VPS33A: variants seen among roughly 807,000 people sequenced by gnomAD.
VPS33A encodes vacuolar protein sorting-associated protein 33A.
A neutral mutation model predicts 71.8 loss-of-function variants in VPS33A; 32 were observed. The observed-to-expected ratio is 0.45, with a 90% CI of 0.34 to 0.60. VPS33A has a LOEUF of 0.60. Among genes scored for constraint, VPS33A ranks in the 20% least tolerant of loss-of-function variants. The pLI, the probability that VPS33A is intolerant of heterozygous loss-of-function variation, is 0.02. For synonymous variants in VPS33A, 311 were observed against 292.7 expected (o/e 1.06, Z -0.64); for missense variants, 625 against 748.5 (o/e 0.84, Z 1.92).
chr12:122,242,361 A>G (rs1954725919), intron 8 of VPS33A, 21 bp downstream of exon 8: 1 of 1,604,210 alleles, frequency 6.2e-7, no homozygotes. Context: ...GACTGAAACA[A>G]TCATTACAAA....
rs778682921 is a variant in VPS33A at position 122,263,589 on chromosome 12, G to A, written c.279C>T (p.Ile93=). ...TGAGATACCTGAGCACGTTTTCAGC[G>A]ATTATATCCATCAACTCTAGCCTGG... ...VRPRLELMDI[I]AENVLSEDRR... Residue 93 remains isoleucine, a synonymous_variant, in exon 3 of 13, where the codon ATC becomes ATT. Coordinates refer to ENST00000267199, the MANE Select transcript of VPS33A (RefSeq NM_022916.6). 8.7e-6 allele frequency: 14 copies of A among 1,609,108 alleles called. No individual in the cohort carries two copies. Among genetic ancestry groups the A allele is most frequent in the East Asian group, 4.5e-5 (2 of 44,832 alleles).
At chr12:122,261,515 T>A in intron 3 of VPS33A, 68 bp from the exon 4 acceptor site, 1 of 1,461,264 alleles carries the variant, frequency 6.8e-7, no homozygotes, top group Admixed American at 1.9e-5. Context: ...GCTTTTTTTA[T>A]CCCCACTGCC....
intron 8 of VPS33A, among the ~76,000 whole-genome samples, chr12:122,241,398 C>T (rs554641898): frequency 2.6e-5 from 4 of 151,844 alleles, no homozygotes; most frequent in Non-Finnish European, 5.9e-5. Context: ...CTCTGCCTCC[C>T]GGTTCAAGCA....
In VPS33A at chr12:122,234,668, T is replaced by C. The variant is rs73421725; in HGVS notation, c.1440+1118A>G. On this transcript the variant is annotated intron_variant, in intron 11 of 12. Transcript: ENST00000267199. ...CTCTCCACCCTTCTCCGCAATGCTCTGTGCCCGGAGATGGACCTGTGCGTC... is the reference window on the plus strand; with the variant it reads ...CTCTCCACCCTTCTCCGCAATGCTCCGTGCCCGGAGATGGACCTGTGCGTC... 5.4e-3 allele frequency among the ~76,000 whole-genome samples: 820 copies of C among 152,326 alleles called. 3 individuals are homozygous for C. The highest frequency in any genetic ancestry group is 0.019 in the African/African-American group (771 of 41,582).
intron 4 of VPS33A, chr12:122,253,444 TC>T: frequency 6.4e-6 from 1 of 155,532 alleles, no homozygotes; most frequent in Non-Finnish European, 1.4e-5. Context: ...TCCCAGCTAC[TC>T]AGGTGACTGA....
intron 4 of VPS33A, among the ~76,000 whole-genome samples, chr12:122,260,811 C>T (rs892930761): frequency 7.9e-5 from 12 of 151,982 alleles, no homozygotes; most frequent in Non-Finnish European, 1.6e-4. Context: ...CTTGTCTCTA[C>T]TAAAAATACA....
At chr12:122,246,339 G>A (rs7972230) in intron 6 of VPS33A, among the ~76,000 whole-genome samples, 2,312 of 150,778 alleles carry the variant, frequency 0.015, 56 homozygotes, top group African/African-American at 0.053. Context: ...TCGCTCTCTC[G>A]CCCAGGCTGG....
chr12:122,236,049 T>C (rs1407145649), intron 10 of VPS33A, 126 bp from the exon 11 acceptor site: 1 of 1,171,336 alleles, frequency 8.5e-7, no homozygotes, highest in Non-Finnish European at 1.2e-6. Flanking sequence ...AGTCCAGCAA[T>C]GTTAGTGGAT....
rs201321966 is a variant in VPS33A, at chr12:122,232,238, T to C, written c.*8A>G. 3.2e-5 allele frequency: 51 copies of C among 1,607,392 alleles called. No individual in the cohort carries two copies. The Admixed American group carries it at 8.2e-4, about 26-fold the overall frequency. ...TGCAGTACACTTGTTAAGTCTCCTC[T>C]GAACATCCTAGAAAGGTTTTTCCAT... On this transcript the variant is annotated 3_prime_UTR_variant, in exon 13 of 13. Coordinates refer to ENST00000267199, the MANE Select transcript of VPS33A (RefSeq NM_022916.6).
chr12:122,239,626 C>A (rs370517249), intron 9 of VPS33A, among the ~76,000 whole-genome samples: 1 of 151,632 alleles, frequency 6.6e-6, no homozygotes, highest in Non-Finnish European at 1.5e-5. Flanking sequence ...CCCAGCTACT[C>A]GGGAGGCTGA....
rs372075683 is a variant in VPS33A at position 122,260,907 on chromosome 12, G to A, written c.483+354C>T. 7.9e-5 allele frequency among the ~76,000 whole-genome samples: 12 copies of A among 152,274 alleles called. No individual in the cohort carries two copies. The South Asian group carries it at 8.3e-4, about 11-fold the overall frequency. Reference sequence around the variant, plus strand: ...GAAGAATCCCTTGAACCCAAGAGGCGGAGGCTGCAGTGAGCTGAGATCGCG... The same window carrying A: ...GAAGAATCCCTTGAACCCAAGAGGCAGAGGCTGCAGTGAGCTGAGATCGCG... On this transcript the variant is annotated intron_variant, in intron 4 of 12. Coordinates refer to ENST00000267199, the MANE Select transcript of VPS33A (RefSeq NM_022916.6).
At chr12:122,259,203 A>ATGTG (rs1249041389) in intron 4 of VPS33A, among the ~76,000 whole-genome samples, 1 of 150,514 alleles carries the variant, frequency 6.6e-6, no homozygotes, top group African/African-American at 2.5e-5. Flanking sequence ...GTATGTATGT[A>ATGTG]TGTATGTATG....
chr12:122,257,168 T>C (rs919145950), intron 4 of VPS33A, among the ~76,000 whole-genome samples: 3 of 152,054 alleles, frequency 2.0e-5, no homozygotes, highest in Non-Finnish European at 2.9e-5. Flanking sequence ...GGCTCACGCC[T>C]GTAATTCCAG....
chr12:122,256,168 G>A (rs546352181), intron 4 of VPS33A, among the ~76,000 whole-genome samples: 3 of 152,038 alleles, frequency 2.0e-5, no homozygotes, highest in East Asian at 1.9e-4. Flanking sequence ...CTCTTTTAAC[G>A]AGGTGATCTC....
At chr12:122,246,663 G>A (rs1954781235) in intron 6 of VPS33A, among the ~76,000 whole-genome samples, 2 of 151,564 alleles carry the variant, frequency 1.3e-5, no homozygotes, top group South Asian at 4.2e-4. Context: ...GCAGTGGCAC[G>A]ATCTCGGCTC....
At chr12:122,260,786 G>C (rs34325222) in intron 4 of VPS33A, among the ~76,000 whole-genome samples, 68,567 of 151,924 alleles carry the variant, frequency 0.45, 17,532 homozygotes, top group African/African-American at 0.69. Flanking sequence ...TCCTGGCCAA[G>C]CAACATGGTG....
At chr12:122,241,839 T>C (rs1248874918) in intron 8 of VPS33A, among the ~76,000 whole-genome samples, 1 of 152,144 alleles carries the variant, frequency 6.6e-6, no homozygotes, top group Non-Finnish European at 1.5e-5. Flanking sequence ...GTGATCTGCC[T>C]GCCTCAGCCT....
At chr12:122,263,763 C>T (rs1955030899) in intron 2 of VPS33A, 64 bp from the exon 3 acceptor site, 1 of 1,489,928 alleles carries the variant, frequency 6.7e-7, no homozygotes, top group Non-Finnish European at 9.0e-7. Context: ...TTTTCAGACT[C>T]AGAAATCATA....
chr12:122,244,870 G>T, intron 6 of VPS33A, 108 bp from the exon 7 acceptor site: 1 of 1,085,066 alleles, frequency 9.2e-7, no homozygotes, highest in Non-Finnish European at 1.3e-6. Flanking sequence ...ATGGAAGACG[G>T]CAAACGACAC....
Sources: allele counts gnomAD v4.1 joint callset (sites outside exome capture counted in the v4.1 genomes callset), GRCh38; gene constraint gnomAD v4.1.1; transcripts MANE v1.5; gene names NCBI Gene and HGNC (gene_info 2026-07-23, HGNC 2026-07-21).